SDK1: variants seen among roughly 807,000 people sequenced by gnomAD.
SDK1 encodes the protein protein sidekick-1.
Under a neutral mutation model 245.5 loss-of-function variants are expected in SDK1, and 157 were observed. That is an observed-to-expected ratio of 0.64 (90% CI 0.56 to 0.73). SDK1 has a LOEUF of 0.73. Ranked by LOEUF, SDK1 falls within the 30% of genes least tolerant of loss-of-function variation. The pLI, the probability that SDK1 is intolerant of heterozygous loss-of-function variation, is 0.00. For missense variants in SDK1, 3,583 were observed against 3,002.3 expected, an observed-to-expected ratio of 1.19 and a Z score of -4.52; for synonymous variants, 1,647 against 1,278.5, an observed-to-expected ratio of 1.29 and a Z score of -6.15.
At chr7:4,254,947 T>C (rs1365594567) in intron 44 of SDK1, among the ~76,000 whole-genome samples, 3 of 152,220 alleles carry the variant, frequency 2.0e-5, no homozygotes, top group Non-Finnish European at 2.9e-5. Context: ...TTTACCATGA[T>C]TGGCGTCATA....
chr7:3,647,812 G>C (rs899962177), intron 4 of SDK1, among the ~76,000 whole-genome samples: 9 of 152,082 alleles, frequency 5.9e-5, no homozygotes, highest in Admixed American at 3.3e-4. Flanking sequence ...CACAGTGCTG[G>C]AATGGCTGGA....
At chr7:3,993,815 C>T (rs1287379726) in intron 14 of SDK1, among the ~76,000 whole-genome samples, 2 of 152,120 alleles carry the variant, frequency 1.3e-5, no homozygotes, top group Non-Finnish European at 2.9e-5. Flanking sequence ...TGCACCTCCT[C>T]ACTTCTCACG....
intron 1 of SDK1, among the ~76,000 whole-genome samples, chr7:3,586,732 G>C (rs976672595): frequency 6.6e-6 from 1 of 151,564 alleles, no homozygotes. Context: ...AGAAATAGAG[G>C]ACAGAAGCAA....
At chr7:3,891,916 AT>A (rs898174332) in intron 5 of SDK1, among the ~76,000 whole-genome samples, 2 of 151,394 alleles carry the variant, frequency 1.3e-5, no homozygotes, top group African/African-American at 2.4e-5. Context: ...GGCAAGGTGC[AT>A]TTTTTTTTCC....
chr7:3,786,596 T>A (rs905133108), intron 4 of SDK1, among the ~76,000 whole-genome samples: 3 of 152,204 alleles, frequency 2.0e-5, no homozygotes, highest in African/African-American at 7.2e-5. Flanking sequence ...ATTAATCAAA[T>A]TATTTCTGTG....
intron 29 of SDK1, among the ~76,000 whole-genome samples, chr7:4,148,511 A>AGTAGATGCC (rs1436669878): frequency 2.0e-5 from 3 of 152,194 alleles, no homozygotes; most frequent in Admixed American, 1.3e-4. Flanking sequence ...AGCAGCACTG[A>AGTAGATGCC]GTAGATGCCG....
chr7:3,592,755 T>A (rs776824748), intron 1 of SDK1, among the ~76,000 whole-genome samples: 1 of 152,320 alleles, frequency 6.6e-6, no homozygotes. Flanking sequence ...TAAAGAACTT[T>A]GCTCTATCGT....
intron 9 of SDK1, among the ~76,000 whole-genome samples, chr7:3,966,967 TG>T (rs1316906094): frequency 6.6e-6 from 1 of 152,210 alleles, no homozygotes; most frequent in African/African-American, 2.4e-5. Context: ...AATATAGGCA[TG>T]GGCTACCTTT....
At chr7:3,793,385 G>C (rs1158205591) in intron 4 of SDK1, among the ~76,000 whole-genome samples, 3 of 152,090 alleles carry the variant, frequency 2.0e-5, no homozygotes, top group Non-Finnish European at 4.4e-5. Context: ...TGTATTTGAA[G>C]ATCTTATGCT....
intron 4 of SDK1, among the ~76,000 whole-genome samples, chr7:3,656,739 CTTTTT>C (rs11368318): frequency 4.0e-5 from 5 of 125,494 alleles, no homozygotes; most frequent in African/African-American, 5.9e-5. Flanking sequence ...TGGTGGAAAT[CTTTTT>C]TTTTTTTTTT....
At chr7:4,086,250 T>G (rs901884927) in intron 22 of SDK1, among the ~76,000 whole-genome samples, 1 of 152,206 alleles carries the variant, frequency 6.6e-6, no homozygotes, top group Non-Finnish European at 1.5e-5. Context: ...TTTATGTAGC[T>G]AGTCCTCTGC....
intron 4 of SDK1, among the ~76,000 whole-genome samples, chr7:3,800,241 T>C (rs1779072349): frequency 6.6e-6 from 1 of 152,290 alleles, no homozygotes; most frequent in Middle Eastern, 3.4e-3. Flanking sequence ...TCTCAATTCT[T>C]AGCCAGCTGG....
At chr7:4,021,777 A>C (rs867647773) in intron 17 of SDK1, among the ~76,000 whole-genome samples, 1 of 152,330 alleles carries the variant, frequency 6.6e-6, no homozygotes. Flanking sequence ...GAGGCTGGCA[A>C]CGTGGCCTTC....
At chr7:3,483,436 G>A (rs184857667) in intron 1 of SDK1, among the ~76,000 whole-genome samples, 1 of 151,954 alleles carries the variant, frequency 6.6e-6, no homozygotes, top group Non-Finnish European at 1.5e-5. Context: ...TATGTTTTGC[G>A]CTTGCCAAAA....
chr7:3,590,402 C>T (rs929529201), intron 1 of SDK1, among the ~76,000 whole-genome samples: 1 of 146,034 alleles, frequency 6.8e-6, no homozygotes, highest in African/African-American at 2.5e-5. Flanking sequence ...AAATCAAACT[C>T]TGCAGAACAA....
chr7:3,993,918 C>G (rs1416545722), intron 14 of SDK1, among the ~76,000 whole-genome samples: 1 of 152,222 alleles, frequency 6.6e-6, no homozygotes, highest in Non-Finnish European at 1.5e-5. Context: ...CCCTCAGCTT[C>G]TCTGCAAGCA....
intron 17 of SDK1, among the ~76,000 whole-genome samples, chr7:4,043,553 T>C (rs1451064239): frequency 1.3e-5 from 2 of 152,160 alleles, no homozygotes; most frequent in African/African-American, 2.4e-5. Context: ...AAATGCCTTG[T>C]TAAATGGGTG....
intron 22 of SDK1, among the ~76,000 whole-genome samples, chr7:4,097,367 T>C (rs1355316021): frequency 6.6e-6 from 1 of 152,212 alleles, no homozygotes; most frequent in Non-Finnish European, 1.5e-5. Flanking sequence ...ACAAGCTCAG[T>C]GAGAGCAGGG....
At chr7:3,586,552 A>G (rs1780694722) in intron 1 of SDK1, among the ~76,000 whole-genome samples, 2 of 151,766 alleles carry the variant, frequency 1.3e-5, no homozygotes, top group African/African-American at 2.4e-5. Flanking sequence ...AAAAAAAAAA[A>G]AAATTAGCTG....
Sources: gnomAD v4.1 joint callset for allele counts (sites outside exome capture counted in the v4.1 genomes callset) on GRCh38, gnomAD v4.1.1 for gene constraint, MANE v1.5 for transcripts, NCBI Gene and HGNC (gene_info 2026-07-23, HGNC 2026-07-21) for gene names.